COLEC12: variants seen among roughly 807,000 people sequenced by gnomAD.
COLEC12 encodes collectin-12.
A neutral mutation model predicts 71.1 loss-of-function variants in COLEC12; 33 were observed. That is an observed-to-expected ratio of 0.46 (90% CI 0.35 to 0.62). The LOEUF is 0.62. Ranked by LOEUF, COLEC12 falls within the 20% of genes least tolerant of loss-of-function variation. The probability of loss-of-function intolerance (pLI) is 0.00; values close to 1 mark genes in which losing one functional copy is unlikely to be tolerated. For missense variants in COLEC12, 765 were observed against 916.1 expected (o/e 0.84, Z 2.13); for synonymous variants, 350 against 353.0 (o/e 0.99, Z 0.10).
intron 2 of COLEC12, among the ~76,000 whole-genome samples, chr18:375,024 T>C (rs191112885): frequency 1.7e-3 from 260 of 152,294 alleles, no homozygotes; most frequent in Admixed American, 3.1e-3. Context: ...TTAAGAAGTG[T>C]CCTACTTAGT....
chr18:356,635 G>A (rs1187761757), intron 3 of COLEC12, among the ~76,000 whole-genome samples: 1 of 152,190 alleles, frequency 6.6e-6, no homozygotes, highest in Non-Finnish European at 1.5e-5. Flanking sequence ...CCAAATGGCC[G>A]TGTTTGCCTC....
intron 2 of COLEC12, among the ~76,000 whole-genome samples, chr18:441,182 A>G (rs577385375): frequency 6.7e-6 from 1 of 149,586 alleles, no homozygotes; most frequent in Non-Finnish European, 1.5e-5. Flanking sequence ...CGGGAGGCGG[A>G]GCTTGCAGTG....
At chr18:324,686 G>A (rs1329690325) in intron 8 of COLEC12, among the ~76,000 whole-genome samples, 4 of 138,910 alleles carry the variant, frequency 2.9e-5, no homozygotes, top group East Asian at 2.0e-4. Flanking sequence ...AAAATTAGCC[G>A]GGCCTGGTGG....
At chr18:497,383 G>GGGGT (rs373079894) in intron 1 of COLEC12, among the ~76,000 whole-genome samples, 20 of 147,052 alleles carry the variant, frequency 1.4e-4, no homozygotes, top group African/African-American at 2.8e-4. Flanking sequence ...TAAAGAATGG[G>GGGGT]GTGTGTGTGT....
intron 2 of COLEC12, among the ~76,000 whole-genome samples, chr18:360,995 TACTCA>T (rs1443077093): frequency 1.3e-5 from 2 of 152,176 alleles, no homozygotes; most frequent in Non-Finnish European, 2.9e-5. Context: ...TTTCTTATTG[TACTCA>T]ACTCAACTAC....
chr18:346,192 T>G lies in COLEC12; in HGVS notation c.1327+103A>C. ...TTGAATTCCTGGTCCACAAAAACTA[T>G]GAGATGATGAATATTTATTGTTTTA... On this transcript the variant is annotated intron_variant, in intron 5 of 9. Transcript: ENST00000400256. The surrounding 1 kb of genome is among the most constrained non-coding windows in gnomAD (Gnocchi z 4.0). 9.2e-5 allele frequency: 77 copies of G among 833,146 alleles called. No homozygotes were observed. The highest frequency in any genetic ancestry group is 1.3e-4 in the Non-Finnish European group (70 of 537,102). The allele number at this position is 833,146 out of a possible 1,614,324, so 51.6% of individuals were successfully genotyped here.
At chr18:452,134 G>T (rs1215850575) in intron 2 of COLEC12, among the ~76,000 whole-genome samples, 5 of 152,176 alleles carry the variant, frequency 3.3e-5, no homozygotes, top group Non-Finnish European at 7.3e-5. Context: ...AATAGATATT[G>T]TTGAGTGAAT....
chr18:468,929 T>C (rs1000169597), intron 2 of COLEC12, among the ~76,000 whole-genome samples: 1 of 152,278 alleles, frequency 6.6e-6, no homozygotes. Context: ...ACACTCTTTA[T>C]GAATTGTGCT....
At chr18:493,636 A>G (rs971579338) in intron 1 of COLEC12, among the ~76,000 whole-genome samples, 1 of 152,208 alleles carries the variant, frequency 6.6e-6, no homozygotes, top group Non-Finnish European at 1.5e-5. Context: ...GCTATATTTT[A>G]TTCATTTTAT....
At chr18:336,584 G>C (rs1487681675) in intron 5 of COLEC12, among the ~76,000 whole-genome samples, 1 of 152,138 alleles carries the variant, frequency 6.6e-6, no homozygotes, top group African/African-American at 2.4e-5. Flanking sequence ...TATGCCACCT[G>C]ACCTTGCCTG....
At chr18:434,157 T>C (rs1393363093) in intron 2 of COLEC12, among the ~76,000 whole-genome samples, 1 of 152,174 alleles carries the variant, frequency 6.6e-6, no homozygotes, top group Non-Finnish European at 1.5e-5. Context: ...AATGTAACAC[T>C]ACTGAAATAT....
At chr18:361,503 A>G (rs1181144973) in intron 2 of COLEC12, among the ~76,000 whole-genome samples, 1 of 152,024 alleles carries the variant, frequency 6.6e-6, no homozygotes, top group Non-Finnish European at 1.5e-5. Context: ...AAACAAAACA[A>G]CAAGCTTTCA....
At chr18:417,722 C>T (rs1916015799) in intron 2 of COLEC12, among the ~76,000 whole-genome samples, 1 of 152,196 alleles carries the variant, frequency 6.6e-6, no homozygotes, top group Non-Finnish European at 1.5e-5. Context: ...AGGCCTGTTG[C>T]TGTCAGCAAG....
At chr18:447,146 C>T (rs1344210343) in intron 2 of COLEC12, among the ~76,000 whole-genome samples, 5 of 152,228 alleles carry the variant, frequency 3.3e-5, no homozygotes, top group African/African-American at 1.2e-4. Context: ...TCACACTATG[C>T]AGATGACACA....
intron 2 of COLEC12, among the ~76,000 whole-genome samples, chr18:390,558 C>T (rs1244245453): frequency 6.6e-6 from 1 of 152,090 alleles, no homozygotes; most frequent in Non-Finnish European, 1.5e-5. Flanking sequence ...GTCGGGAGTT[C>T]GAGACCAGAC....
In COLEC12 at chr18:500,439, C is replaced by CGCG; in HGVS notation, c.7+68_7+69insCGC. The CGCG allele has an allele frequency of 1.1e-6, 1 of 883,900 alleles. No individual in the cohort carries two copies. The highest frequency in any genetic ancestry group is 1.4e-6 in the Non-Finnish European group (1 of 732,952). The allele number at this position is 883,900 out of a possible 1,614,324, so 54.8% of individuals were successfully genotyped here. ...GGAAGGTTCGCGCGGGAGGCACCTC[C>CGCG]GTGGCCTCCCGCGCGCCCCGAAGCC... is the stretch of plus-strand genomic sequence containing the variant. On this transcript the variant is annotated intron_variant, in intron 1 of 9. Transcript: ENST00000400256. This position sits in a 1 kb window ranked among gnomAD's most constrained non-coding sequence, Gnocchi z 5.3.
chr18:443,717 T>G (rs561123743), intron 2 of COLEC12, among the ~76,000 whole-genome samples: 7 of 152,138 alleles, frequency 4.6e-5, no homozygotes, highest in Non-Finnish European at 1.0e-4. Flanking sequence ...CGTGCTGATA[T>G]AGTTAGCATA....
intron 2 of COLEC12, among the ~76,000 whole-genome samples, chr18:371,471 G>A (rs150809491): frequency 5.5e-4 from 83 of 151,972 alleles, no homozygotes; most frequent in Middle Eastern, 6.8e-3. Flanking sequence ...TATCCAAGTG[G>A]AGCTGGAAAA....
At chr18:410,519 A>G (rs966439178) in intron 2 of COLEC12, among the ~76,000 whole-genome samples, 1 of 151,622 alleles carries the variant, frequency 6.6e-6, no homozygotes, top group African/African-American at 2.4e-5. Flanking sequence ...GCTCAATGCA[A>G]CCTCCACCTC....
Sources: gnomAD v4.1 joint callset for allele counts (sites outside exome capture counted in the v4.1 genomes callset) on GRCh38, gnomAD v4.1.1 for gene constraint, Gnocchi (gnomAD v3.1) non-coding constraint, MANE v1.5 for transcripts, NCBI Gene and HGNC (gene_info 2026-07-23, HGNC 2026-07-21) for gene names.